The following FHIT variants were observed in gnomAD, a reference collection of about 807,000 sequenced individuals.
The protein encoded by FHIT is fragile histidine triad diadenosine triphosphatase.
In FHIT, 19 loss-of-function variants were observed where a neutral mutation model predicts 17.9. The ratio of observed to expected loss-of-function variants is 1.06; its 90% CI spans 0.74 to 1.56. The LOEUF (loss-of-function observed/expected upper bound fraction) is 1.56, where lower values mean the gene tolerates loss of function less well. Among genes scored for constraint, FHIT ranks in the 40% most tolerant of loss-of-function variants. The pLI is 0.00. For missense variants in FHIT, 248 were observed against 189.2 expected (o/e 1.31, Z -1.82); for synonymous variants, 81 against 69.7 (o/e 1.16, Z -0.81).
intron 4 of FHIT, among the ~76,000 whole-genome samples, chr3:60,659,780 T>C (rs1375132554): frequency 6.6e-6 from 1 of 152,166 alleles, no homozygotes; most frequent in Non-Finnish European, 1.5e-5. Context: ...GGGACAGACC[T>C]CGTTGGTTCA....
intron 4 of FHIT, among the ~76,000 whole-genome samples, chr3:60,664,002 C>T (rs537469624): frequency 6.6e-6 from 1 of 151,826 alleles, no homozygotes; most frequent in Non-Finnish European, 1.5e-5. Context: ...CTTTTCTTGC[C>T]TTATTGTTTT....
chr3:61,184,473 C>G (rs548288624), intron 2 of FHIT, among the ~76,000 whole-genome samples: 2 of 152,026 alleles, frequency 1.3e-5, no homozygotes, highest in East Asian at 3.9e-4. Flanking sequence ...GCAAGGAGCA[C>G]GGGATCAAAA....
At chr3:60,088,113 G>A (rs1399366889) in intron 5 of FHIT, among the ~76,000 whole-genome samples, 7 of 152,152 alleles carry the variant, frequency 4.6e-5, no homozygotes, top group South Asian at 2.1e-4. Flanking sequence ...ATGACAGAGA[G>A]GAAGCAAGAT....
At chr3:60,803,446 T>C (rs1379175948) in intron 4 of FHIT, among the ~76,000 whole-genome samples, 1 of 152,214 alleles carries the variant, frequency 6.6e-6, no homozygotes, top group Non-Finnish European at 1.5e-5. Context: ...TTCCGCCCCA[T>C]TCACGTTCAT....
In FHIT at chr3:60,661,228, A is replaced by G. The variant is rs190337238; in HGVS notation, c.-17-124249T>C. On this transcript the variant is annotated intron_variant, in intron 4 of 9. Transcript: ENST00000492590. ...TCCCTCCTCCCTCACTTGAATCTCCAAAGTCCATTGTATCATTCTTATGCC... is the reference window on the plus strand; with the variant it reads ...TCCCTCCTCCCTCACTTGAATCTCCGAAGTCCATTGTATCATTCTTATGCC... Among the ~76,000 whole-genome samples the G allele has an allele frequency of 1.4e-4, 22 of 152,106 alleles. No individual in the cohort carries two copies. In the East Asian group the frequency reaches 4.3e-3, roughly 30 times the overall value.
rs543814063 is a variant in FHIT, at chr3:60,947,366, C to G, written c.-111+94681G>C. Among the ~76,000 whole-genome samples the G allele has an allele frequency of 2.2e-3, 336 of 152,214 alleles. 1 individual carries two copies. Among genetic ancestry groups the G allele is most frequent in the African/African-American group, 7.5e-3 (313 of 41,540 alleles). On this transcript the variant is annotated intron_variant, in intron 3 of 9. Transcript: ENST00000492590. ...TCTGGTATTAATAGACTATGACTAT[C>G]GCGTGTTTTCTAAGATCTAAGTGTC...
intron 4 of FHIT, among the ~76,000 whole-genome samples, chr3:60,729,281 G>A (rs1553710500): frequency 6.6e-6 from 1 of 152,210 alleles, no homozygotes; most frequent in East Asian, 1.9e-4. Flanking sequence ...ATGCGCCAGT[G>A]TGGAAATGAA....
intron 2 of FHIT, among the ~76,000 whole-genome samples, chr3:61,175,937 A>G (rs2038144672): frequency 6.6e-6 from 1 of 152,238 alleles, no homozygotes; most frequent in African/African-American, 2.4e-5. Context: ...AAGTTCCAAA[A>G]CTAGTGGGCT....
intron 7 of FHIT, among the ~76,000 whole-genome samples, chr3:59,965,635 C>A (rs756396334): frequency 2.0e-5 from 3 of 152,122 alleles, no homozygotes; most frequent in African/African-American, 7.2e-5. Context: ...TAACCTAGCA[C>A]TGGAGTTTAG....
chr3:60,717,633 T>C (rs1163895683), intron 4 of FHIT, among the ~76,000 whole-genome samples: 2 of 152,268 alleles, frequency 1.3e-5, no homozygotes, highest in South Asian at 2.1e-4. Context: ...TTTAAAGAAA[T>C]TGCATATGTG....
At chr3:60,499,826 G>A (rs1194859053) in intron 5 of FHIT, among the ~76,000 whole-genome samples, 9 of 152,076 alleles carry the variant, frequency 5.9e-5, no homozygotes, top group Admixed American at 2.0e-4. Flanking sequence ...ACGTGTCACC[G>A]GCAAAGAGAA....
intron 5 of FHIT, among the ~76,000 whole-genome samples, chr3:60,140,575 A>ATTTTT (rs10540921): frequency 7.8e-6 from 1 of 129,018 alleles, no homozygotes; most frequent in African/African-American, 2.9e-5. Flanking sequence ...CACAGACTCT[A>ATTTTT]TTTTTTTTTT....
chr3:60,417,213 G>C (rs1702284009), intron 5 of FHIT, among the ~76,000 whole-genome samples: 1 of 152,084 alleles, frequency 6.6e-6, no homozygotes, highest in African/African-American at 2.4e-5. Flanking sequence ...TACTATGTTA[G>C]CAAAAAGAAT....
At chr3:60,425,515 C>A (rs533161568) in intron 5 of FHIT, among the ~76,000 whole-genome samples, 2 of 152,188 alleles carry the variant, frequency 1.3e-5, no homozygotes, top group South Asian at 4.1e-4. Context: ...CCAACCTGCA[C>A]ATGTACCCCT....
intron 5 of FHIT, among the ~76,000 whole-genome samples, chr3:60,070,969 A>G (rs1310986979): frequency 1.3e-5 from 2 of 152,232 alleles, no homozygotes; most frequent in Admixed American, 1.3e-4. Flanking sequence ...TTTATGGTTA[A>G]CAAACTGTTT....
intron 4 of FHIT, among the ~76,000 whole-genome samples, chr3:60,575,346 G>T (rs1393699623): frequency 2.6e-5 from 4 of 152,070 alleles, no homozygotes; most frequent in Non-Finnish European, 5.9e-5. Flanking sequence ...TCCAGATACT[G>T]GAAGACTTTT....
chr3:60,001,668 A>G (rs1287317616), intron 7 of FHIT, among the ~76,000 whole-genome samples: 1 of 152,112 alleles, frequency 6.6e-6, no homozygotes, highest in Non-Finnish European at 1.5e-5. Flanking sequence ...GGATGATGCT[A>G]ATGACTTTTA....
At chr3:59,881,187 A>T (rs1703395313) in intron 8 of FHIT, among the ~76,000 whole-genome samples, 1 of 152,172 alleles carries the variant, frequency 6.6e-6, no homozygotes, top group African/African-American at 2.4e-5. Flanking sequence ...TAGGCCACAC[A>T]GTAGGGACAA....
At chr3:60,259,572 A>C (rs868130427) in intron 5 of FHIT, among the ~76,000 whole-genome samples, 3 of 152,112 alleles carry the variant, frequency 2.0e-5, no homozygotes, top group Admixed American at 6.6e-5. Context: ...ATATTCAGGA[A>C]CTAAGCTTAG....
Sources: allele counts gnomAD v4.1 joint callset (sites outside exome capture counted in the v4.1 genomes callset), GRCh38; gene constraint gnomAD v4.1.1; transcripts MANE v1.5; gene names NCBI Gene and HGNC (gene_info 2026-07-23, HGNC 2026-07-21).